Variants in FLACC1 observed in about 807,000 individuals in gnomAD.
FLACC1 encodes the protein flagellum-associated coiled-coil domain-containing protein 1.
In FLACC1, 66 loss-of-function variants were observed where a neutral mutation model predicts 62.8. That is an observed-to-expected ratio of 1.05 (90% CI 0.86 to 1.29). FLACC1 has a LOEUF of 1.29. Ranked by LOEUF, FLACC1 falls within the 50% of genes most tolerant of loss-of-function variation. FLACC1 has a pLI of 0.00. For missense variants in FLACC1, 452 were observed against 489.1 expected (o/e 0.92, Z 0.71); for synonymous variants, 156 against 161.0 (o/e 0.97, Z 0.24).
intron 7 of FLACC1, 138 bp from the exon 8 acceptor site, chr2:201,330,971 C>CA (rs1312617179): frequency 7.1e-6 from 3 of 425,384 alleles, no homozygotes; most frequent in East Asian, 8.1e-5. Context: ...ATTTTTAAAT[C>CA]TTTTTTTTTT....
chr2:201,313,724 G>T (rs1950259679), intron 9 of FLACC1, among the ~76,000 whole-genome samples: 1 of 152,146 alleles, frequency 6.6e-6, no homozygotes, highest in South Asian at 2.1e-4. Context: ...ATGCTGTCTT[G>T]AAAGCATCAT....
chr2:201,354,022 T>C (rs1383072988), intron 1 of FLACC1, among the ~76,000 whole-genome samples: 1 of 152,238 alleles, frequency 6.6e-6, no homozygotes, highest in Non-Finnish European at 1.5e-5. Flanking sequence ...TGATTAGTTT[T>C]CAATATTACA....
intron 12 of FLACC1, among the ~76,000 whole-genome samples, chr2:201,291,620 TCTC>T (rs1456873543): frequency 2.0e-5 from 3 of 152,090 alleles, no homozygotes; most frequent in Non-Finnish European, 4.4e-5. Context: ...TCAGAGTGCC[TCTC>T]CTCCTCCAAA....
At chr2:201,348,509 G>C (rs1028902828) in intron 3 of FLACC1, among the ~76,000 whole-genome samples, 2 of 152,112 alleles carry the variant, frequency 1.3e-5, no homozygotes, top group Non-Finnish European at 2.9e-5. Flanking sequence ...CCTGCCCAAG[G>C]AGGCAAAAGA....
At chr2:201,316,942 T>TTA (rs1950318353) in intron 9 of FLACC1, among the ~76,000 whole-genome samples, 2 of 151,978 alleles carry the variant, frequency 1.3e-5, no homozygotes, top group Non-Finnish European at 2.9e-5. Flanking sequence ...GAATTAAAAA[T>TTA]AAAAATCACA....
At chr2:201,298,018 A>G (rs1401982297) in intron 12 of FLACC1, among the ~76,000 whole-genome samples, 1 of 152,188 alleles carries the variant, frequency 6.6e-6, no homozygotes, top group Non-Finnish European at 1.5e-5. Flanking sequence ...CAAGGAGGCA[A>G]GTGCCTCTGG....
chr2:201,329,775 G>C (rs549708839), intron 9 of FLACC1, among the ~76,000 whole-genome samples: 13 of 152,216 alleles, frequency 8.5e-5, no homozygotes, highest in African/African-American at 3.1e-4. Flanking sequence ...ATAACTATTG[G>C]GTACTATGCT....
intron 11 of FLACC1, among the ~76,000 whole-genome samples, chr2:201,301,067 G>C (rs561521585): frequency 6.6e-6 from 1 of 152,320 alleles, no homozygotes; most frequent in South Asian, 2.1e-4. Context: ...AACAAAGCTG[G>C]ACAGAGAATG....
intron 11 of FLACC1, among the ~76,000 whole-genome samples, chr2:201,303,225 C>CA (rs1950026454): frequency 6.6e-6 from 1 of 151,440 alleles, no homozygotes; most frequent in Non-Finnish European, 1.5e-5. Context: ...CAAATAGACG[C>CA]AATAAAAAAT....
rs1950130175 is a variant in FLACC1, at chr2:201,307,518, C to T, written c.879+1G>A. On this transcript the variant is annotated splice_donor_variant, in intron 11 of 14. Coordinates refer to ENST00000392257, the MANE Select transcript of FLACC1 (RefSeq NM_001127391.3). LOFTEE classifies it high-confidence loss of function. ...CACCAAGGTGCTTTGGGCTGAGTTA[C>T]CTCCTTCTCTTGAATGAAGTTCTCA... The T allele has an allele frequency of 7.4e-6, 12 of 1,612,990 alleles. No individual in the cohort carries two copies. The highest frequency in any genetic ancestry group is 1.0e-5 in the Non-Finnish European group (12 of 1,178,968).
chr2:201,307,673 G>C lies in FLACC1; in HGVS notation c.776-51C>G, dbSNP rs539294274. On this transcript the variant is annotated intron_variant, in intron 10 of 14. Coordinates refer to ENST00000392257, the MANE Select transcript of FLACC1 (RefSeq NM_001127391.3). ...ATATGTGTAAAGATGGGAAAAGCAGGTGCAATGAGAAACCCAGAATATCTA... is the reference window on the plus strand; with the variant it reads ...ATATGTGTAAAGATGGGAAAAGCAGCTGCAATGAGAAACCCAGAATATCTA... 6.8e-6 allele frequency: 9 copies of C among 1,322,636 alleles called. No individual in the cohort carries two copies. In the African/African-American group the frequency reaches 1.3e-4, roughly 19 times the overall value. The allele number at this position is 1,322,636 out of a possible 1,614,324, so 81.9% of individuals were successfully genotyped here.
chr2:201,335,733 G>T (rs1051045259), intron 7 of FLACC1, among the ~76,000 whole-genome samples: 1 of 152,038 alleles, frequency 6.6e-6, no homozygotes, highest in Non-Finnish European at 1.5e-5. Flanking sequence ...TTTTAATAGG[G>T]ATTGCATTAA....
At position 201,344,208 on chromosome 2, in the gene FLACC1, C is replaced by T. The variant is rs1183206073; in HGVS notation, c.424G>A (p.Glu142Lys). 3 of 1,613,804 alleles carry T rather than the reference C, an allele frequency of 1.9e-6. No individual in the cohort carries two copies. Among genetic ancestry groups the T allele is most frequent in the African/African-American group, 2.7e-5 (2 of 74,926 alleles). ...EQISELTAIIEQMNRDHQSAQ... is the reference protein window; with the variant it reads ...EQISELTAIIKQMNRDHQSAQ... ...GACTGGTGGTCTCTGTTCATTTGTT[C>T]AATTATTGCTGTCAGCTCTGAGATT... Residue 142 changes from glutamate (E) to lysine (K), a missense_variant, in exon 6 of 15, where the codon GAA becomes AAA. Transcript: ENST00000392257.
intron 13 of FLACC1, 22 bp downstream of exon 13, chr2:201,289,673 TC>T (rs1170683226): frequency 6.2e-7 from 1 of 1,612,004 alleles, no homozygotes; most frequent in Non-Finnish European, 8.5e-7. Flanking sequence ...CCAACCCCCA[TC>T]CCCACTCCAG....
Position 201,346,816 on chromosome 2 carries a change from A to C in FLACC1, c.235-141T>G. On this transcript the variant is annotated intron_variant, in intron 4 of 14. Transcript: ENST00000392257. The surrounding 1 kb of genome is among the most constrained non-coding windows in gnomAD (Gnocchi z 4.0). ...CCAAGCCCTTCTGGGCCCTTCACCC[A>C]TTATAGCTCATTCTCACATCTCTCC... is the stretch of plus-strand genomic sequence containing the variant. 1 of 979,764 alleles carries C rather than the reference A, an allele frequency of 1.0e-6. No individual in the cohort carries two copies. The highest frequency in any genetic ancestry group is 1.5e-6 in the Non-Finnish European group (1 of 669,032). The allele number at this position is 979,764 out of a possible 1,614,324, so 60.7% of individuals were successfully genotyped here. A position where few individuals can be genotyped will look rare whatever the true frequency, so the allele number is the denominator to read the frequency against.
chr2:201,316,051 A>C (rs1950301240), intron 9 of FLACC1, among the ~76,000 whole-genome samples: 1 of 152,188 alleles, frequency 6.6e-6, no homozygotes, highest in Admixed American at 6.5e-5. Context: ...GGATACAGCA[A>C]AGGCAGTGCA....
intron 9 of FLACC1, among the ~76,000 whole-genome samples, chr2:201,321,443 G>A (rs1240246780): frequency 6.6e-6 from 1 of 152,102 alleles, no homozygotes; most frequent in Non-Finnish European, 1.5e-5. Context: ...TGCAGTGCTG[G>A]GCTCAGCAGG....
intron 9 of FLACC1, among the ~76,000 whole-genome samples, chr2:201,323,805 TAAGG>T (rs201381769): frequency 0.054 from 4,115 of 76,012 alleles, 80 homozygotes; most frequent in Middle Eastern, 0.1. Flanking sequence ...AAAAAAAAAG[TAAGG>T]AAGGAAGGAA....
At chr2:201,309,333 G>C in intron 9 of FLACC1, 83 bp from the exon 10 acceptor site, 1 of 1,028,100 alleles carries the variant, frequency 9.7e-7, no homozygotes, top group Non-Finnish European at 1.5e-6. Flanking sequence ...AACTCAGGGA[G>C]GACTCCTCTT....
Sources: allele counts gnomAD v4.1 joint callset (sites outside exome capture counted in the v4.1 genomes callset), GRCh38; gene constraint gnomAD v4.1.1; non-coding constraint Gnocchi (gnomAD v3.1); transcripts MANE v1.5; gene names NCBI Gene and HGNC (gene_info 2026-07-23, HGNC 2026-07-21).